The following LMBRD2 variants were observed in gnomAD, a reference collection of about 807,000 sequenced individuals.
LMBRD2 encodes the protein G protein-coupled receptor-associated protein LMBRD2.
Under a neutral mutation model 94.4 loss-of-function variants are expected in LMBRD2, and 55 were observed. That is an observed-to-expected ratio of 0.58 (90% CI 0.47 to 0.73). The LOEUF (loss-of-function observed/expected upper bound fraction) is 0.73. Ranked by LOEUF, LMBRD2 falls within the 30% of genes least tolerant of loss-of-function variation. The pLI, the probability that LMBRD2 is intolerant of heterozygous loss-of-function variation, is 0.00. For synonymous variants in LMBRD2, 246 were observed against 272.4 expected (o/e 0.90, Z 0.95); for missense variants, 640 against 831.9 (o/e 0.77, Z 2.84).
chr5:36,149,842 G>C (rs1319625361), intron 1 of LMBRD2, among the ~76,000 whole-genome samples: 3 of 152,220 alleles, frequency 2.0e-5, no homozygotes, highest in Non-Finnish European at 4.4e-5. Context: ...GGGAGGTGGA[G>C]GTTATGGTGA....
At chr5:36,104,196 T>G in intron 17 of LMBRD2, 90 bp from the exon 18 acceptor site, 2 of 991,950 alleles carry the variant, frequency 2.0e-6, no homozygotes, top group Middle Eastern at 2.1e-4. Context: ...GGAGTGGCCA[T>G]ATAATTTGTA....
intron 4 of LMBRD2, 31 bp downstream of exon 4, chr5:36,141,076 T>A (rs1227189208): frequency 7.7e-7 from 1 of 1,297,236 alleles, no homozygotes; most frequent in Non-Finnish European, 1.1e-6. Context: ...TAGCCAAAAT[T>A]TTAAAAATTT....
intron 1 of LMBRD2, among the ~76,000 whole-genome samples, chr5:36,146,508 T>C (rs150668440): frequency 6.6e-6 from 1 of 152,260 alleles, no homozygotes; most frequent in East Asian, 1.9e-4. Context: ...TAGCTAGGAC[T>C]ATAGGTGCAC....
At chr5:36,138,055 A>G (rs149051165) in intron 4 of LMBRD2, among the ~76,000 whole-genome samples, 65 of 152,378 alleles carry the variant, frequency 4.3e-4, no homozygotes, top group African/African-American at 1.5e-3. Context: ...AGAGAGGTAG[A>G]GAACAGAAGG....
intron 9 of LMBRD2, among the ~76,000 whole-genome samples, chr5:36,119,178 A>T (rs1743830088): frequency 6.6e-6 from 1 of 151,900 alleles, no homozygotes; most frequent in Non-Finnish European, 1.5e-5. Context: ...TTCCCCTTTC[A>T]ATACCCTTAT....
intron 13 of LMBRD2, among the ~76,000 whole-genome samples, chr5:36,113,975 G>A (rs933084223): frequency 4.6e-5 from 7 of 151,928 alleles, no homozygotes; most frequent in African/African-American, 1.2e-4. Flanking sequence ...GATTACAATC[G>A]GTCCTCACCT....
chr5:36,132,631 A>T, intron 6 of LMBRD2, among the ~76,000 whole-genome samples: 1 of 149,648 alleles, frequency 6.7e-6, no homozygotes, highest in East Asian at 1.9e-4. Flanking sequence ...ATTTAATAAT[A>T]AGATTAAAAA....
chr5:36,104,938 A>G, intron 17 of LMBRD2, 130 bp downstream of exon 17: 1 of 841,196 alleles, frequency 1.2e-6, no homozygotes, highest in Non-Finnish European at 1.8e-6. Flanking sequence ...GTTAGTGAAA[A>G]TGAACATTTT....
intron 14 of LMBRD2, 99 bp downstream of exon 14, chr5:36,111,056 G>A: frequency 1.4e-6 from 1 of 732,198 alleles, no homozygotes; most frequent in Non-Finnish European, 2.2e-6. Context: ...TCTTAGAATA[G>A]ATTAAAAAAT....
At position 36,100,501 on chromosome 5, in the gene LMBRD2, A is replaced by T. The variant is rs540675109; in HGVS notation, c.*3545T>A. 3.9e-5 allele frequency: 6 copies of T among 152,248 alleles called. No individual in the cohort carries two copies. The South Asian group carries it at 1.2e-3, about 32-fold the overall frequency. The allele number at this position is 152,248 out of a possible 1,614,324, so 9.4% of individuals were successfully genotyped here. On this transcript the variant is annotated 3_prime_UTR_variant, in exon 18 of 18. Transcript: ENST00000296603. Reference sequence around the variant, plus strand: ...CAGAAGGAAAATCTTTCAGCACATTAAAAGTCATGCTATAAACATAGGCCT... The same window carrying T: ...CAGAAGGAAAATCTTTCAGCACATTTAAAGTCATGCTATAAACATAGGCCT...
intron 16 of LMBRD2, among the ~76,000 whole-genome samples, chr5:36,105,775 A>ATGT (rs1462253138): frequency 6.6e-6 from 1 of 152,196 alleles, no homozygotes; most frequent in Non-Finnish European, 1.5e-5. Flanking sequence ...CCATTTCAAC[A>ATGT]TGTTGCAAGT....
chr5:36,137,593 A>C, intron 4 of LMBRD2, 152 bp from the exon 5 acceptor site: 1 of 483,424 alleles, frequency 2.1e-6, no homozygotes, highest in East Asian at 3.1e-5. Context: ...TAATAACTAT[A>C]ATAGATGACT....
intron 1 of LMBRD2, among the ~76,000 whole-genome samples, chr5:36,143,804 C>T (rs1744474300): frequency 6.6e-6 from 1 of 151,772 alleles, no homozygotes; most frequent in African/African-American, 2.4e-5. Flanking sequence ...AAATTAGATA[C>T]TTAGTAAAAT....
At chr5:36,133,906 A>AT (rs538170581) in intron 6 of LMBRD2, among the ~76,000 whole-genome samples, 30 of 151,896 alleles carry the variant, frequency 2.0e-4, no homozygotes, top group Admixed American at 1.4e-3. Context: ...AGCTGGGTTT[A>AT]TTTTTTTTGC....
chr5:36,114,671 T>A (rs1561513385), intron 12 of LMBRD2, 150 bp from the exon 13 acceptor site: 6 of 990,994 alleles, frequency 6.1e-6, no homozygotes, highest in East Asian at 3.3e-5. Context: ...ACTTATTTTT[T>A]AAAATCTGCT....
At position 36,122,977 on chromosome 5, in the gene LMBRD2, AG is replaced by A; in HGVS notation, c.823-17del. On this transcript the variant is annotated splice_polypyrimidine_tract_variant and intron_variant, in intron 7 of 17. Coordinates refer to ENST00000296603, the MANE Select transcript of LMBRD2 (RefSeq NM_001007527.2). The stretch of plus-strand genomic sequence containing the variant: ...CTGTAGGGCACTAAAAAAAAAAAAA[AG>A]TAGATTTTTAAAAATCTTAATTGTA... The A allele has an allele frequency of 7.0e-7, 1 of 1,432,122 alleles. No homozygotes were observed. 88.7% of individuals were successfully genotyped at this position (1,432,122 alleles called of 1,614,324 possible). A position where few individuals can be genotyped will look rare whatever the true frequency, so the allele number is the denominator to read the frequency against.
At chr5:36,117,939 G>A (rs763187992) in intron 9 of LMBRD2, 23 bp from the exon 10 acceptor site, 6 of 1,549,824 alleles carry the variant, frequency 3.9e-6, no homozygotes, top group South Asian at 1.2e-5. Flanking sequence ...AGAAAAAAAT[G>A]ATTAGGAAAA....
intron 2 of LMBRD2, 94 bp downstream of exon 2, chr5:36,143,082 A>T (rs1218151450): frequency 2.3e-6 from 2 of 874,848 alleles, no homozygotes; most frequent in African/African-American, 1.7e-5. Context: ...CAAAACTGAC[A>T]TAACTTAGCT....
chr5:36,147,782 T>G, intron 1 of LMBRD2: 1 of 311,720 alleles, frequency 3.2e-6, no homozygotes, highest in South Asian at 2.4e-5. Flanking sequence ...TTTGAAGAAT[T>G]CCAAATGTTT....
Sources: gnomAD v4.1 joint callset for allele counts (sites outside exome capture counted in the v4.1 genomes callset) on GRCh38, gnomAD v4.1.1 for gene constraint, MANE v1.5 for transcripts, NCBI Gene and HGNC (gene_info 2026-07-23, HGNC 2026-07-21) for gene names.